Variants in DCDC1 observed in about 807,000 individuals in gnomAD.
The protein encoded by DCDC1 is doublecortin domain containing 1.
Under a neutral mutation model 178.3 loss-of-function variants are expected in DCDC1, and 200 were observed. That is an observed-to-expected ratio of 1.12 (90% CI 1.00 to 1.26). The LOEUF is 1.26. DCDC1 is among the 50% of genes most tolerant of loss of function. The pLI, the probability that DCDC1 is intolerant of heterozygous loss-of-function variation, is 0.00. For synonymous variants in DCDC1, 690 were observed against 604.8 expected (o/e 1.14, Z -2.07); for missense variants, 1,983 against 1,749.2 (o/e 1.13, Z -2.38).
At chr11:31,016,233 A>G (rs1453327732) in intron 20 of DCDC1, among the ~76,000 whole-genome samples, 1 of 152,246 alleles carries the variant, frequency 6.6e-6, no homozygotes, top group Non-Finnish European at 1.5e-5. Flanking sequence ...TGTTCAATAA[A>G]TGGTGGTTCT....
intron 36 of DCDC1, among the ~76,000 whole-genome samples, chr11:30,888,337 T>C (rs1193761766): frequency 1.3e-5 from 2 of 152,176 alleles, no homozygotes; most frequent in Non-Finnish European, 2.9e-5. Context: ...TAAAAGAATG[T>C]AACAAATACA....
chr11:30,926,721 G>A (rs1946614833), intron 22 of DCDC1, among the ~76,000 whole-genome samples: 1 of 152,180 alleles, frequency 6.6e-6, no homozygotes, highest in East Asian at 1.9e-4. Context: ...TATAAAGAAT[G>A]TTTCTAAATT....
intron 9 of DCDC1, among the ~76,000 whole-genome samples, chr11:31,180,702 C>G (rs1480394264): frequency 6.6e-6 from 1 of 152,186 alleles, no homozygotes. Flanking sequence ...GCCTTCGCAA[C>G]CCACAGACCA....
At chr11:31,115,996 T>TGGGGGGG (rs1555066794) in intron 11 of DCDC1, among the ~76,000 whole-genome samples, 200 of 44,776 alleles carry the variant, frequency 4.5e-3, no homozygotes, top group Middle Eastern at 0.014. Context: ...GGGGGGGGGA[T>TGGGGGGG]GGGTATCTCA....
chr11:31,048,378 G>T (rs289088), intron 20 of DCDC1, among the ~76,000 whole-genome samples: 4 of 152,066 alleles, frequency 2.6e-5, no homozygotes, highest in Non-Finnish European at 5.9e-5. Flanking sequence ...ATCCTGATAC[G>T]AAATTCACCA....
chr11:31,167,353 C>T (rs1000291550), intron 9 of DCDC1, among the ~76,000 whole-genome samples: 2 of 152,120 alleles, frequency 1.3e-5, no homozygotes, highest in South Asian at 2.1e-4. Flanking sequence ...CCAAACATCA[C>T]CCTTAAGAAT....
intron 34 of DCDC1, among the ~76,000 whole-genome samples, chr11:30,899,138 A>C (rs1258602624): frequency 6.6e-6 from 1 of 151,992 alleles, no homozygotes; most frequent in African/African-American, 2.4e-5. Flanking sequence ...AAAACAAAAA[A>C]ACAAAAAAAA....
chr11:31,251,611 GAAAC>G (rs1332690404), intron 8 of DCDC1, among the ~76,000 whole-genome samples: 2 of 151,824 alleles, frequency 1.3e-5, no homozygotes, highest in Non-Finnish European at 2.9e-5. Flanking sequence ...GAGAGACAGA[GAAAC>G]AGAGAGAGAG....
chr11:31,298,933 C>A (rs1384831626), intron 6 of DCDC1, among the ~76,000 whole-genome samples: 2 of 152,170 alleles, frequency 1.3e-5, no homozygotes, highest in Non-Finnish European at 2.9e-5. Flanking sequence ...AAACACAACA[C>A]TCTGACTGTC....
chr11:30,885,268 A>G (rs1943061665), intron 36 of DCDC1, among the ~76,000 whole-genome samples: 1 of 151,920 alleles, frequency 6.6e-6, no homozygotes, highest in Admixed American at 6.6e-5. Flanking sequence ...AGTAAGATAA[A>G]AACACAACTG....
At chr11:31,309,678 T>C (rs760538732) in intron 3 of DCDC1, among the ~76,000 whole-genome samples, 1 of 152,136 alleles carries the variant, frequency 6.6e-6, no homozygotes, top group African/African-American at 2.4e-5. Flanking sequence ...TAGAATAAGG[T>C]GTCTTTTTTA....
At chr11:31,166,960 G>T (rs1261341433) in intron 9 of DCDC1, among the ~76,000 whole-genome samples, 1 of 151,994 alleles carries the variant, frequency 6.6e-6, no homozygotes, top group Non-Finnish European at 1.5e-5. Flanking sequence ...TGATATCCTT[G>T]GTACCCCGAA....
Position 31,250,429 on chromosome 11 carries a change from T to C in DCDC1, c.1055-8813A>G, listed in dbSNP as rs7943524. On this transcript the variant is annotated intron_variant, in intron 8 of 38. Coordinates refer to ENST00000684477, the MANE Select transcript of DCDC1 (RefSeq NM_001387274.1). ...ACACACACACACATATACATATATA[T>C]GTATATATATATATATCCCTGCCTG... Among the ~76,000 whole-genome samples the C allele has an allele frequency of 2.6e-5, 3 of 113,446 alleles. 1 individual carries two copies. The highest frequency in any genetic ancestry group is 6.2e-5 in the African/African-American group (2 of 32,016). The allele number at this position is 113,446 out of a possible 152,430, so 74.4% of individuals were successfully genotyped here. A position where few individuals can be genotyped will look rare whatever the true frequency, so the allele number is the denominator to read the frequency against.
chr11:30,998,216 C>T (rs1047553802), intron 20 of DCDC1, among the ~76,000 whole-genome samples: 3 of 152,042 alleles, frequency 2.0e-5, no homozygotes, highest in Admixed American at 6.6e-5. Flanking sequence ...CACTTGAGCC[C>T]AGGAATTCAA....
At chr11:31,069,885 T>C (rs1956451865) in intron 18 of DCDC1, among the ~76,000 whole-genome samples, 2 of 152,202 alleles carry the variant, frequency 1.3e-5, no homozygotes, top group African/African-American at 4.8e-5. Flanking sequence ...GGTAGGGCCA[T>C]GATGTGGCTG....
chr11:31,000,809 T>C (rs1230639933), intron 20 of DCDC1, among the ~76,000 whole-genome samples: 1 of 152,136 alleles, frequency 6.6e-6, no homozygotes, highest in African/African-American at 2.4e-5. Context: ...ATTTTACTTT[T>C]TTGCTACTTA....
At chr11:31,243,288 T>C (rs1033899276) in intron 8 of DCDC1, among the ~76,000 whole-genome samples, 4 of 151,808 alleles carry the variant, frequency 2.6e-5, no homozygotes, top group South Asian at 4.1e-4. Context: ...GTGCTTTTAG[T>C]TTATTGCTAC....
intron 20 of DCDC1, among the ~76,000 whole-genome samples, chr11:31,013,563 T>C (rs954085878): frequency 2.0e-5 from 3 of 152,204 alleles, no homozygotes; most frequent in Middle Eastern, 3.2e-3. Flanking sequence ...AAGGGCTTAG[T>C]GATCTTTTTG....
intron 36 of DCDC1, chr11:30,883,570 A>T: frequency 2.9e-6 from 1 of 342,066 alleles, no homozygotes; most frequent in Non-Finnish European, 6.0e-6. Context: ...AAATATTACA[A>T]AGCAAAAAGT....
Sources: allele counts gnomAD v4.1 joint callset (sites outside exome capture counted in the v4.1 genomes callset), GRCh38; gene constraint gnomAD v4.1.1; transcripts MANE v1.5; gene names NCBI Gene and HGNC (gene_info 2026-07-23, HGNC 2026-07-21).